Variants in PRDM2 observed in about 807,000 individuals in gnomAD.
PRDM2 encodes PR/SET domain 2.
In PRDM2, 30 loss-of-function variants were observed where a neutral mutation model predicts 130.0. That is an observed-to-expected ratio of 0.23 (90% confidence interval 0.17 to 0.31). The LOEUF (loss-of-function observed/expected upper bound fraction) is 0.31, where lower values mean the gene tolerates loss of function less well. PRDM2 is among the 10% of genes least tolerant of loss of function. The pLI, the probability that PRDM2 is intolerant of heterozygous loss-of-function variation, is 1.00. For synonymous variants in PRDM2, 871 were observed against 782.4 expected (o/e 1.11, Z -1.89); for missense variants, 2,011 against 2,108.4 (o/e 0.95, Z 0.90).
intron 1 of PRDM2, among the ~76,000 whole-genome samples, chr1:13,708,428 G>A (rs1642272524): frequency 6.6e-6 from 1 of 152,126 alleles, no homozygotes; most frequent in Non-Finnish European, 1.5e-5. Flanking sequence ...TCTCACTGGA[G>A]CTCTGCAGCT....
Position 13,781,833 on chromosome 1 carries a change from G to A in PRDM2, c.4038G>A (p.Pro1346=), listed in dbSNP as rs374346614. 119 of 1,613,972 alleles carry A rather than the reference G, an allele frequency of 7.4e-5. No individual in the cohort carries two copies. The highest frequency in any genetic ancestry group is 9.4e-5 in the Non-Finnish European group (111 of 1,180,026). ...GTGGAAAAGGTGTCGACAATATGCC[G>A]GAGTTGCACAAACATATCCTGGCTT... The part of the protein sequence containing the change: ...TKCGKGVDNM[P]ELHKHILACA... Residue 1346 remains proline, a synonymous_variant, in exon 8 of 10, where the codon CCG becomes CCA. Transcript: ENST00000311066. The surrounding 1 kb of genome is among the most constrained non-coding windows in gnomAD (Gnocchi z 6.1).
chr1:13,812,693 C>T (rs969424275), intron 8 of PRDM2, among the ~76,000 whole-genome samples: 15 of 152,226 alleles, frequency 9.9e-5, no homozygotes, highest in South Asian at 8.3e-4. Flanking sequence ...AAAGTCTGAC[C>T]GAAGTGTTGA....
At chr1:13,709,874 T>C (rs1356596219) in intron 1 of PRDM2, among the ~76,000 whole-genome samples, 1 of 152,254 alleles carries the variant, frequency 6.6e-6, no homozygotes, top group East Asian at 1.9e-4. Flanking sequence ...ATAGTATAAG[T>C]GACCTCTATG....
intron 8 of PRDM2, among the ~76,000 whole-genome samples, chr1:13,794,157 G>A (rs1644885478): frequency 6.6e-6 from 1 of 152,220 alleles, no homozygotes; most frequent in South Asian, 2.1e-4. Context: ...AGGTTCTACT[G>A]TTTTCATGAC....
At chr1:13,724,928 C>T (rs1557601352) in intron 2 of PRDM2, among the ~76,000 whole-genome samples, 2 of 152,004 alleles carry the variant, frequency 1.3e-5, no homozygotes, top group Non-Finnish European at 2.9e-5. Flanking sequence ...GGGAGGTGCC[C>T]AGGAAGGGGA....
intron 8 of PRDM2, among the ~76,000 whole-genome samples, chr1:13,796,874 T>G (rs745352391): frequency 3.9e-5 from 6 of 152,228 alleles, no homozygotes; most frequent in Non-Finnish European, 8.8e-5. Flanking sequence ...TATAATGGAC[T>G]GCTTTTTTTC....
intron 4 of PRDM2, among the ~76,000 whole-genome samples, chr1:13,734,845 T>C (rs1236145663): frequency 2.6e-5 from 4 of 152,154 alleles, no homozygotes; most frequent in Non-Finnish European, 5.9e-5. Flanking sequence ...TAAAAGTGAA[T>C]AGATATGACA....
chr1:13,789,727 T>C (rs764441825), intron 8 of PRDM2, among the ~76,000 whole-genome samples: 78 of 152,166 alleles, frequency 5.1e-4, no homozygotes, highest in Non-Finnish European at 4.9e-4. Flanking sequence ...ATAAAAAAAA[T>C]CATAAAGGGC....
At chr1:13,791,934 C>T (rs1442523524) in intron 8 of PRDM2, among the ~76,000 whole-genome samples, 9 of 152,242 alleles carry the variant, frequency 5.9e-5, no homozygotes, top group East Asian at 5.8e-4. Context: ...AAACATTTTA[C>T]GGAAGACTGG....
chr1:13,771,923 T>G lies in PRDM2; in HGVS notation c.512-1155T>G, dbSNP rs1644369153. 6.6e-6 allele frequency: 1 copy of G among 152,244 alleles called. No individual in the cohort carries two copies. Among genetic ancestry groups the G allele is most frequent in the South Asian group, 2.1e-4 (1 of 4,832 alleles). The allele number at this position is 152,244 out of a possible 1,614,324, so 9.4% of individuals were successfully genotyped here. On this transcript the variant is annotated intron_variant, in intron 6 of 9. Transcript: ENST00000311066. The surrounding 1 kb of genome is among the most constrained non-coding windows in gnomAD (Gnocchi z 4.1). ...TCTAGATGTTTTCAATGATGCTATT[T>G]TATGTCTCTGACCTCATTTTTGTCT... is the stretch of plus-strand genomic sequence containing the variant.
intron 4 of PRDM2, 135 bp downstream of exon 4, chr1:13,733,017 A>G: frequency 1.5e-6 from 1 of 679,664 alleles, no homozygotes. Flanking sequence ...TTTATTAAAG[A>G]GAAAATGTGT....
Position 13,780,430 on chromosome 1 carries a change from A to G in PRDM2, c.2635A>G (p.Lys879Glu). 6.2e-7 allele frequency: 1 copy of G among 1,614,220 alleles called. No homozygotes were observed. Among genetic ancestry groups the G allele is most frequent in the Non-Finnish European group, 8.5e-7 (1 of 1,180,042 alleles). Residue 879 changes from lysine to glutamate, a missense_variant, in exon 8 of 10, where the codon AAG becomes GAG. Lys to Glu is a moderately conservative substitution (Grantham distance 56). Coordinates refer to ENST00000311066, the MANE Select transcript of PRDM2 (RefSeq NM_001393986.1). ...HSVQPTCSAVKKRKPTTCMLQ... is the reference protein window; with the variant it reads ...HSVQPTCSAVEKRKPTTCMLQ... ...AGTGCAGCCTACGTGTAGTGCTGTA[A>G]AGAAAAGGAAACCAACCACCTGCAT... is the stretch of plus-strand genomic sequence containing the variant.
At chr1:13,770,336 A>G (rs763623501) in intron 6 of PRDM2, 19 of 491,928 alleles carry the variant, frequency 3.9e-5, no homozygotes, top group Middle Eastern at 6.7e-4. Flanking sequence ...TGTTTTAGAC[A>G]GTTATGTGAT....
chr1:13,720,061 A>G (rs550932781), intron 2 of PRDM2, among the ~76,000 whole-genome samples: 2 of 152,206 alleles, frequency 1.3e-5, no homozygotes, highest in South Asian at 2.1e-4. Flanking sequence ...AGTTTTGATC[A>G]AGTCAATATT....
At chr1:13,773,910 A>G (rs1644413463) in intron 7 of PRDM2, among the ~76,000 whole-genome samples, 1 of 152,224 alleles carries the variant, frequency 6.6e-6, no homozygotes, top group Non-Finnish European at 1.5e-5. Context: ...CTATATACTC[A>G]ACTATTTGTA....
intron 8 of PRDM2, among the ~76,000 whole-genome samples, chr1:13,808,370 A>G (rs1645117626): frequency 6.6e-6 from 1 of 150,732 alleles, no homozygotes; most frequent in Non-Finnish European, 1.5e-5. Context: ...GGGCTGAGGC[A>G]GGAGAATGGC....
intron 5 of PRDM2, among the ~76,000 whole-genome samples, chr1:13,743,645 T>C (rs188622932): frequency 7.9e-5 from 12 of 152,332 alleles, no homozygotes; most frequent in Non-Finnish European, 1.6e-4. Context: ...ACATTTCAAA[T>C]TGTGGCCAGC....
intron 8 of PRDM2, among the ~76,000 whole-genome samples, chr1:13,785,005 T>C (rs915768903): frequency 6.6e-6 from 1 of 152,210 alleles, no homozygotes; most frequent in Non-Finnish European, 1.5e-5. Flanking sequence ...TTCTTTAAAG[T>C]GTTTGTTTTG....
chr1:13,822,933 G>A lies in PRDM2; in HGVS notation c.*24-226G>A, dbSNP rs577796558. On this transcript the variant is annotated intron_variant, in intron 9 of 9. Coordinates refer to ENST00000311066, the MANE Select transcript of PRDM2 (RefSeq NM_001393986.1). ...TTCATGTATCCTTAAAGGGGTCACG[G>A]GTCAGGGGCTGATGGGCGGCTGTCA... Among the ~76,000 whole-genome samples, 34 of 152,252 alleles carry A rather than the reference G, an allele frequency of 2.2e-4. 1 individual carries two copies. Among genetic ancestry groups the A allele is most frequent in the South Asian group, 1.5e-3 (7 of 4,818 alleles).
Sources: allele counts gnomAD v4.1 joint callset (sites outside exome capture counted in the v4.1 genomes callset), GRCh38; gene constraint gnomAD v4.1.1; non-coding constraint Gnocchi (gnomAD v3.1); transcripts MANE v1.5; gene names NCBI Gene and HGNC (gene_info 2026-07-23, HGNC 2026-07-21).